The following NALCN variants were observed in gnomAD, a reference collection of about 807,000 sequenced individuals.
NALCN encodes sodium leak channel NALCN.
Under a neutral mutation model 225.3 loss-of-function variants are expected in NALCN, and 111 were observed. That is an observed-to-expected ratio of 0.49 (90% CI 0.42 to 0.58). The LOEUF is 0.58. Ranked by LOEUF, NALCN falls within the 20% of genes least tolerant of loss-of-function variation. The probability of loss-of-function intolerance (pLI) is 0.00; values close to 1 mark genes in which losing one functional copy is unlikely to be tolerated. For missense variants in NALCN, 1,378 were observed against 2,202.4 expected (o/e 0.63, Z 7.49); for synonymous variants, 764 against 769.0 (o/e 0.99, Z 0.11).
chr13:101,304,242 GTTATT>G (rs1356333360), intron 7 of NALCN, among the ~76,000 whole-genome samples: 1 of 151,328 alleles, frequency 6.6e-6, no homozygotes, highest in Non-Finnish European at 1.5e-5. Context: ...AGACTTTTTT[GTTATT>G]TTATTATGTT....
intron 3 of NALCN, among the ~76,000 whole-genome samples, chr13:101,386,500 A>G (rs774589460): frequency 6.6e-6 from 1 of 152,114 alleles, no homozygotes; most frequent in Non-Finnish European, 1.5e-5. Flanking sequence ...GAAAACTTGG[A>G]AACTGTACTT....
chr13:101,229,715 G>T, intron 12 of NALCN, 131 bp from the exon 13 acceptor site: 1 of 720,126 alleles, frequency 1.4e-6, no homozygotes, highest in South Asian at 3.8e-5. Context: ...TGAATATCTA[G>T]TGACTAAAAT....
intron 10 of NALCN, among the ~76,000 whole-genome samples, chr13:101,283,559 A>C (rs1197210307): frequency 6.6e-6 from 1 of 152,172 alleles, no homozygotes; most frequent in Non-Finnish European, 1.5e-5. Flanking sequence ...CAGAGAGACT[A>C]TGTATTAACA....
chr13:101,226,734 C>G (rs1190924518), intron 13 of NALCN, among the ~76,000 whole-genome samples: 1 of 152,216 alleles, frequency 6.6e-6, no homozygotes, highest in Non-Finnish European at 1.5e-5. Context: ...GACCAGGGCA[C>G]TGCCATTTCT....
At chr13:101,116,402 C>T in intron 18 of NALCN, 1 of 346,836 alleles carries the variant, frequency 2.9e-6, no homozygotes, top group Non-Finnish European at 5.7e-6. Flanking sequence ...TGACATTTCT[C>T]CATCTAAAAT....
chr13:101,277,240 A>C (rs943577878), intron 10 of NALCN, among the ~76,000 whole-genome samples: 1 of 152,154 alleles, frequency 6.6e-6, no homozygotes, highest in Non-Finnish European at 1.5e-5. Flanking sequence ...GAGGATACAG[A>C]GTAGAAAATA....
chr13:101,171,432 C>T (rs2038714230), intron 15 of NALCN, among the ~76,000 whole-genome samples: 1 of 151,224 alleles, frequency 6.6e-6, no homozygotes, highest in African/African-American at 2.4e-5. Context: ...GATATACACA[C>T]ACACACATAT....
chr13:101,201,775 T>G (rs963148666), intron 13 of NALCN, among the ~76,000 whole-genome samples: 30 of 152,350 alleles, frequency 2.0e-4, no homozygotes, highest in African/African-American at 7.0e-4. Context: ...ACATATAACT[T>G]TGATTTTACA....
At chr13:101,392,983 C>CA (rs1363172224) in intron 3 of NALCN, among the ~76,000 whole-genome samples, 1 of 152,162 alleles carries the variant, frequency 6.6e-6, no homozygotes. Context: ...AGGAAACCTA[C>CA]AAAACTCTCC....
intron 13 of NALCN, among the ~76,000 whole-genome samples, chr13:101,192,377 T>C (rs2039716477): frequency 6.6e-6 from 1 of 152,172 alleles, no homozygotes; most frequent in African/African-American, 2.4e-5. Context: ...CAGCAAGCTA[T>C]CTAACATTTT....
In NALCN at chr13:101,090,035, C is replaced by T. The variant is rs776171807; in HGVS notation, c.3270-69G>A. On this transcript the variant is annotated intron_variant, in intron 28 of 43. Coordinates refer to ENST00000251127, the MANE Select transcript of NALCN (RefSeq NM_052867.4). The stretch of plus-strand genomic sequence containing the variant: ...AGCACCCGAAGGCAAATATCTGTAG[C>T]CCTTTCCAGTCATGAGTGTGGGATA... 103 of 1,603,588 alleles carry T rather than the reference C, an allele frequency of 6.4e-5. 1 individual carries two copies. Among genetic ancestry groups the T allele is most frequent in the Non-Finnish European group, 8.5e-5 (100 of 1,174,720 alleles).
intron 30 of NALCN, among the ~76,000 whole-genome samples, chr13:101,086,319 C>T (rs671810): frequency 0.56 from 84,742 of 151,714 alleles, 24,494 homozygotes; most frequent in African/African-American, 0.69. Context: ...ACACTTAAAA[C>T]GATACATTTA....
intron 34 of NALCN, among the ~76,000 whole-genome samples, chr13:101,080,677 A>C (rs2033585194): frequency 6.8e-6 from 1 of 146,850 alleles, no homozygotes; most frequent in African/African-American, 2.5e-5. Context: ...AAATAATAAA[A>C]ATATATACAT....
intron 41 of NALCN, 62 bp downstream of exon 41, chr13:101,061,906 C>T (rs1468203891): frequency 6.0e-6 from 9 of 1,509,822 alleles, no homozygotes; most frequent in African/African-American, 5.5e-5. Context: ...TTTCTTTCAT[C>T]CTCCTGCGGG....
At chr13:101,285,129 C>T (rs752533708) in intron 9 of NALCN, among the ~76,000 whole-genome samples, 11 of 152,024 alleles carry the variant, frequency 7.2e-5, no homozygotes, top group African/African-American at 2.4e-4. Context: ...GATGGAAATA[C>T]GAATGAGATG....
At chr13:101,403,971 T>A (rs1335915269) in intron 1 of NALCN, among the ~76,000 whole-genome samples, 2 of 152,230 alleles carry the variant, frequency 1.3e-5, no homozygotes. Context: ...CATTCATTCA[T>A]GTTTGCATAA....
At chr13:101,154,037 T>C (rs2139836014) in intron 15 of NALCN, among the ~76,000 whole-genome samples, 1 of 152,204 alleles carries the variant, frequency 6.6e-6, no homozygotes, top group South Asian at 2.1e-4. Context: ...AAAACCATCT[T>C]CTCCAGGAAT....
At chr13:101,221,339 C>G (rs34725120) in intron 13 of NALCN, among the ~76,000 whole-genome samples, 39,140 of 151,750 alleles carry the variant, frequency 0.26, 5,355 homozygotes, top group East Asian at 0.37. Context: ...GGATGGTCTC[C>G]ATCTCCTGAC....
chr13:101,112,784 G>C (rs181235998), intron 18 of NALCN, among the ~76,000 whole-genome samples: 2 of 152,146 alleles, frequency 1.3e-5, no homozygotes, highest in Non-Finnish European at 2.9e-5. Context: ...ATTACCATCT[G>C]TCTGAGAATT....
Sources: gnomAD v4.1 joint callset for allele counts (sites outside exome capture counted in the v4.1 genomes callset) on GRCh38, gnomAD v4.1.1 for gene constraint, MANE v1.5 for transcripts, NCBI Gene and HGNC (gene_info 2026-07-23, HGNC 2026-07-21) for gene names.